SNX9: variants seen among roughly 807,000 people sequenced by gnomAD.
SNX9 encodes the protein sorting nexin-9.
A neutral mutation model predicts 89.4 loss-of-function variants in SNX9; 44 were observed. That is an observed-to-expected ratio of 0.49 (90% CI 0.39 to 0.63). The LOEUF (loss-of-function observed/expected upper bound fraction) is 0.63. Among genes scored for constraint, SNX9 ranks in the 30% least tolerant of loss-of-function variants. SNX9 has a pLI of 0.00. For missense variants in SNX9, 578 were observed against 736.1 expected, an observed-to-expected ratio of 0.79 and a Z score of 2.49; for synonymous variants, 236 against 247.8, an observed-to-expected ratio of 0.95 and a Z score of 0.45.
intron 4 of SNX9, among the ~76,000 whole-genome samples, chr6:157,893,454 C>T (rs572443276): frequency 2.0e-5 from 3 of 152,310 alleles, no homozygotes; most frequent in Non-Finnish European, 2.9e-5. Flanking sequence ...GCACCTGGCA[C>T]GTGACAGCCA....
At chr6:157,895,838 C>T (rs1227618977) in intron 4 of SNX9, among the ~76,000 whole-genome samples, 1 of 152,146 alleles carries the variant, frequency 6.6e-6, no homozygotes, top group Non-Finnish European at 1.5e-5. Flanking sequence ...GTTCCTTGTG[C>T]TAGATGCTCC....
intron 1 of SNX9, among the ~76,000 whole-genome samples, chr6:157,863,178 A>G (rs948007759): frequency 6.6e-6 from 1 of 152,236 alleles, no homozygotes; most frequent in Admixed American, 6.5e-5. Flanking sequence ...TCCAAAAGGA[A>G]GGGATGTGGG....
chr6:157,841,182 A>G (rs1293646366), intron 1 of SNX9, among the ~76,000 whole-genome samples: 1 of 152,178 alleles, frequency 6.6e-6, no homozygotes, highest in Non-Finnish European at 1.5e-5. Flanking sequence ...GATTCAATGA[A>G]TCTTTATTCT....
At chr6:157,864,896 C>T (rs938390193) in intron 1 of SNX9, among the ~76,000 whole-genome samples, 11 of 152,068 alleles carry the variant, frequency 7.2e-5, no homozygotes, top group East Asian at 1.9e-4. Context: ...GGTGTGGTGG[C>T]GCATGCCTGT....
chr6:157,891,679 G>C (rs990435554), intron 4 of SNX9, among the ~76,000 whole-genome samples: 5 of 152,230 alleles, frequency 3.3e-5, no homozygotes, highest in Non-Finnish European at 7.3e-5. Flanking sequence ...TGGTGGGACT[G>C]ACCATCTGAT....
In SNX9 at chr6:157,894,341, C is replaced by T. The variant is rs559839934; in HGVS notation, c.301-2486C>T. Among the ~76,000 whole-genome samples the T allele has an allele frequency of 1.2e-4, 18 of 150,920 alleles. 1 individual carries two copies. The South Asian group carries it at 3.6e-3, about 30-fold the overall frequency. Reference sequence around the variant, plus strand: ...GCCAGGCTGATCTCAAACTCCTGACCTCAGGTGATCCTCCCGCCTCGGCCT... The same window carrying T: ...GCCAGGCTGATCTCAAACTCCTGACTTCAGGTGATCCTCCCGCCTCGGCCT... On this transcript the variant is annotated intron_variant, in intron 4 of 17. Transcript: ENST00000392185.
rs144336601 is a variant in SNX9 at position 157,858,341 on chromosome 6, G to T, written c.13-9206G>T. On this transcript the variant is annotated intron_variant, in intron 1 of 17. Coordinates refer to ENST00000392185, the MANE Select transcript of SNX9 (RefSeq NM_016224.5). ...GGCTCACCGCAGCCTCCACCACCCGGGTTCAAGTGATTCTCCTGCCTCAGC... is the reference window on the plus strand; with the variant it reads ...GGCTCACCGCAGCCTCCACCACCCGTGTTCAAGTGATTCTCCTGCCTCAGC... 8.6e-5 allele frequency among the ~76,000 whole-genome samples: 13 copies of T among 151,646 alleles called. 1 individual carries two copies. The South Asian group carries it at 2.7e-3, about 32-fold the overall frequency.
At chr6:157,938,158 C>T (rs544408995) in intron 15 of SNX9, among the ~76,000 whole-genome samples, 2 of 152,240 alleles carry the variant, frequency 1.3e-5, no homozygotes, top group South Asian at 4.1e-4. Flanking sequence ...ATGGATTCAG[C>T]GCCTCTTAAA....
intron 5 of SNX9, among the ~76,000 whole-genome samples, chr6:157,898,275 TCTTA>T (rs1583224489): frequency 6.6e-6 from 1 of 152,234 alleles, no homozygotes; most frequent in Non-Finnish European, 1.5e-5. Flanking sequence ...TTTAGTTCAG[TCTTA>T]CTTATCTGTG....
At chr6:157,910,732 A>G (rs73575704) in intron 9 of SNX9, among the ~76,000 whole-genome samples, 1 of 152,136 alleles carries the variant, frequency 6.6e-6, no homozygotes, top group African/African-American at 2.4e-5. Flanking sequence ...GCAGGTAGAA[A>G]GGGTTTGTTT....
At chr6:157,894,160 A>T (rs552989960) in intron 4 of SNX9, among the ~76,000 whole-genome samples, 2 of 118,326 alleles carry the variant, frequency 1.7e-5, no homozygotes, top group East Asian at 4.9e-4. Context: ...CCCAGTCTGG[A>T]GTGCAGTGGC....
intron 4 of SNX9, among the ~76,000 whole-genome samples, chr6:157,881,636 T>C (rs1012601617): frequency 8.5e-5 from 13 of 152,160 alleles, no homozygotes; most frequent in Non-Finnish European, 1.5e-5. Flanking sequence ...CAGTGAACAC[T>C]TGAATGATAA....
chr6:157,928,057 C>T (rs1048890902), intron 11 of SNX9, among the ~76,000 whole-genome samples: 9 of 152,104 alleles, frequency 5.9e-5, no homozygotes, highest in Non-Finnish European at 1.3e-4. Context: ...ATTGTTTAAA[C>T]AAAAATGACC....
At chr6:157,862,951 A>G (rs1782175396) in intron 1 of SNX9, among the ~76,000 whole-genome samples, 1 of 152,230 alleles carries the variant, frequency 6.6e-6, no homozygotes, top group Non-Finnish European at 1.5e-5. Context: ...GGCTCCAGTA[A>G]CAGAGAAGTC....
chr6:157,912,547 G>A lies in SNX9; in HGVS notation c.949+2522G>A, dbSNP rs558256131. On this transcript the variant is annotated intron_variant, in intron 9 of 17. Coordinates refer to ENST00000392185, the MANE Select transcript of SNX9 (RefSeq NM_016224.5). ...AACTGGGATATGAGCCAAGGAAGCC[G>A]AACAGCACAGAAGGGCTCTATTTCC... Among the ~76,000 whole-genome samples, 4 of 152,284 alleles carry A rather than the reference G, an allele frequency of 2.6e-5. No homozygotes were observed. The South Asian group carries it at 6.2e-4, about 24-fold the overall frequency.
chr6:157,827,862 C>CT (rs67464115), intron 1 of SNX9, among the ~76,000 whole-genome samples: 224 of 133,910 alleles, frequency 1.7e-3, no homozygotes, highest in Admixed American at 2.6e-3. Flanking sequence ...GTTCCTGATG[C>CT]TTTTTTTTTT....
chr6:157,854,065 G>A (rs1781964100), intron 1 of SNX9, among the ~76,000 whole-genome samples: 1 of 152,262 alleles, frequency 6.6e-6, no homozygotes, highest in Non-Finnish European at 1.5e-5. Flanking sequence ...GGGAAGAAGT[G>A]AGACCTTGTA....
intron 9 of SNX9, among the ~76,000 whole-genome samples, chr6:157,915,658 C>T (rs201562816): frequency 0.054 from 5,794 of 107,168 alleles, 201 homozygotes; most frequent in African/African-American, 0.093. Context: ...TATATATATA[C>T]ACACACACAC....
In SNX9 at chr6:157,839,766, C is replaced by T. The variant is rs371066794; in HGVS notation, c.12+16320C>T. ...TGAAGGTGTGACCCCATCTTGCCCT[C>T]CAGTCTCCTCTTTAGGCCTTTCCTC... On this transcript the variant is annotated intron_variant, in intron 1 of 17. Coordinates refer to ENST00000392185, the MANE Select transcript of SNX9 (RefSeq NM_016224.5). Among the ~76,000 whole-genome samples the T allele has an allele frequency of 4.6e-5, 7 of 152,242 alleles. No homozygotes were observed. In the South Asian group the frequency reaches 1.2e-3, roughly 27 times the overall value.
Sources: allele counts gnomAD v4.1 joint callset (sites outside exome capture counted in the v4.1 genomes callset), GRCh38; gene constraint gnomAD v4.1.1; transcripts MANE v1.5; gene names NCBI Gene and HGNC (gene_info 2026-07-23, HGNC 2026-07-21).